SYN2: variants seen among roughly 807,000 people sequenced by gnomAD.
SYN2 encodes synapsin-2.
In SYN2, 19 loss-of-function variants were observed where a neutral mutation model predicts 50.9. That is an observed-to-expected ratio of 0.37 (90% CI 0.26 to 0.55). The LOEUF is 0.55. SYN2 is among the 20% of genes least tolerant of loss of function. The pLI is 0.81. For missense variants in SYN2, 587 were observed against 576.4 expected, an observed-to-expected ratio of 1.02 and a Z score of -0.19; for synonymous variants, 255 against 224.9, an observed-to-expected ratio of 1.13 and a Z score of -1.20.
rs545726696 is a variant in SYN2 at position 12,067,694 on chromosome 3, A to C, written c.377+62766A>C. Reference sequence around the variant, plus strand: ...AACTTTCCTGGTTCATTTCCTAGAAATATTTCTCAAATTCTATCTCTCTGT... The same window carrying C: ...AACTTTCCTGGTTCATTTCCTAGAACTATTTCTCAAATTCTATCTCTCTGT... On this transcript the variant is annotated intron_variant, in intron 1 of 12. Coordinates refer to ENST00000621198, the MANE Select transcript of SYN2 (RefSeq NM_133625.6). 1.1e-4 allele frequency among the ~76,000 whole-genome samples: 16 copies of C among 152,134 alleles called. 2 individuals are homozygous for C. The highest frequency in any genetic ancestry group is 3.6e-4 in the African/African-American group (15 of 41,524).
At chr3:12,050,430 C>G (rs1694831335) in intron 1 of SYN2, among the ~76,000 whole-genome samples, 1 of 148,922 alleles carries the variant, frequency 6.7e-6, no homozygotes, top group Non-Finnish European at 1.5e-5. Flanking sequence ...ACTGCAACCT[C>G]TGCCTCCCAG....
chr3:12,146,785 C>T (rs1281858409), intron 4 of SYN2, among the ~76,000 whole-genome samples: 2 of 152,114 alleles, frequency 1.3e-5, no homozygotes, highest in African/African-American at 2.4e-5. Context: ...TTTGGGGGCA[C>T]TCTGGCTTCC....
chr3:12,153,154 C>T (rs570283785), intron 5 of SYN2: 129 of 349,410 alleles, frequency 3.7e-4, no homozygotes, highest in African/African-American at 2.6e-3. Context: ...TATACCATCT[C>T]ATGTGTATGA....
chr3:12,085,391 A>G (rs991031381), intron 1 of SYN2, among the ~76,000 whole-genome samples: 11 of 150,880 alleles, frequency 7.3e-5, no homozygotes, highest in African/African-American at 2.7e-4. Context: ...GCACGCACGC[A>G]CGCACTCGAT....
chr3:12,126,639 C>T (rs1442658762), intron 1 of SYN2, among the ~76,000 whole-genome samples: 1 of 152,154 alleles, frequency 6.6e-6, no homozygotes, highest in Non-Finnish European at 1.5e-5. Context: ...TTCCTAGTTT[C>T]AAATCCTGAA....
chr3:12,127,029 A>G (rs910187380), intron 1 of SYN2, among the ~76,000 whole-genome samples: 16 of 152,188 alleles, frequency 1.1e-4, no homozygotes, highest in African/African-American at 4.8e-5. Flanking sequence ...TGCATGAGTA[A>G]ATTAATTAGA....
intron 1 of SYN2, among the ~76,000 whole-genome samples, chr3:12,043,820 A>G (rs1407398321): frequency 6.6e-6 from 1 of 152,120 alleles, no homozygotes; most frequent in Non-Finnish European, 1.5e-5. Flanking sequence ...CACCTACTAT[A>G]TAGTCAAATC....
chr3:12,025,475 G>C (rs1252211997), intron 1 of SYN2, among the ~76,000 whole-genome samples: 2 of 152,106 alleles, frequency 1.3e-5, no homozygotes, highest in Non-Finnish European at 2.9e-5. Context: ...ATTTAATCAA[G>C]GTAATCTCAT....
At chr3:12,134,658 C>G (rs1413537882) in intron 1 of SYN2, among the ~76,000 whole-genome samples, 1 of 152,176 alleles carries the variant, frequency 6.6e-6, no homozygotes, top group African/African-American at 2.4e-5. Context: ...GAATTATAAT[C>G]TTTTATTTTT....
chr3:12,163,412 C>G (rs184709383), intron 7 of SYN2, among the ~76,000 whole-genome samples: 15 of 151,906 alleles, frequency 9.9e-5, no homozygotes, highest in Admixed American at 6.6e-4. Context: ...CTCTTACCCC[C>G]CCTTTTCACT....
intron 1 of SYN2, among the ~76,000 whole-genome samples, chr3:12,037,371 G>C (rs566730468): frequency 6.6e-6 from 1 of 152,236 alleles, no homozygotes; most frequent in South Asian, 2.1e-4. Flanking sequence ...CCACTTCTTT[G>C]CACCAATTTT....
intron 10 of SYN2, among the ~76,000 whole-genome samples, chr3:12,178,369 T>C (rs569943927): frequency 1.3e-5 from 2 of 152,336 alleles, no homozygotes; most frequent in South Asian, 4.1e-4. Context: ...CTTTCCATCC[T>C]GCTGGGACTT....
At chr3:12,015,102 C>G (rs1693999925) in intron 1 of SYN2, among the ~76,000 whole-genome samples, 1 of 152,108 alleles carries the variant, frequency 6.6e-6, no homozygotes, top group Admixed American at 6.6e-5. Context: ...GTGCCGTGCC[C>G]CTGTGTCTTT....
chr3:12,014,120 A>G (rs896581055), intron 1 of SYN2, among the ~76,000 whole-genome samples: 1 of 152,104 alleles, frequency 6.6e-6, no homozygotes, highest in Non-Finnish European at 1.5e-5. Flanking sequence ...ACACAACACA[A>G]TGGTCTGTTT....
chr3:12,145,982 C>A, intron 4 of SYN2, 147 bp downstream of exon 4: 1 of 1,126,710 alleles, frequency 8.9e-7, no homozygotes, highest in Non-Finnish European at 1.3e-6. Context: ...CCTCAAGATG[C>A]AGTTGGCCCC....
At chr3:12,005,575 ATT>A (rs34618576) in intron 1 of SYN2, among the ~76,000 whole-genome samples, 75,820 of 136,164 alleles carry the variant, frequency 0.56, 22,169 homozygotes, top group South Asian at 0.74. Flanking sequence ...GACGTGTGGA[ATT>A]TTTTTTTTTT....
intron 1 of SYN2, among the ~76,000 whole-genome samples, chr3:12,017,311 A>T (rs1445493032): frequency 1.3e-5 from 2 of 152,232 alleles, no homozygotes; most frequent in Admixed American, 6.5e-5. Context: ...AAGTAGATGT[A>T]TTAACTCATT....
chr3:12,027,260 C>T (rs971252694), intron 1 of SYN2, among the ~76,000 whole-genome samples: 1 of 152,098 alleles, frequency 6.6e-6, no homozygotes, highest in African/African-American at 2.4e-5. Flanking sequence ...TAATGCATTT[C>T]GTTTGTGGTA....
At chr3:12,040,290 G>T (rs971949181) in intron 1 of SYN2, among the ~76,000 whole-genome samples, 1 of 152,160 alleles carries the variant, frequency 6.6e-6, no homozygotes, top group African/African-American at 2.4e-5. Context: ...GAGGCAGGAG[G>T]TCTTTGGATT....
Sources: allele counts gnomAD v4.1 joint callset (sites outside exome capture counted in the v4.1 genomes callset), GRCh38; gene constraint gnomAD v4.1.1; transcripts MANE v1.5; gene names NCBI Gene and HGNC (gene_info 2026-07-23, HGNC 2026-07-21).